Variants in YTHDF3 observed in about 807,000 individuals in gnomAD.
YTHDF3 encodes the protein YTH domain-containing family protein 3.
In YTHDF3, 9 loss-of-function variants were observed where a neutral mutation model predicts 52.5. The ratio of observed to expected loss-of-function variants is 0.17; its 90% CI spans 0.10 to 0.30. The LOEUF (loss-of-function observed/expected upper bound fraction) is 0.30, where lower values mean the gene tolerates loss of function less well. YTHDF3 is among the 10% of genes least tolerant of loss of function. The pLI is 1.00. For synonymous variants in YTHDF3, 274 were observed against 243.3 expected (o/e 1.13, Z -1.18); for missense variants, 534 against 715.0 (o/e 0.75, Z 2.89).
intron 2 of YTHDF3, among the ~76,000 whole-genome samples, chr8:63,171,989 A>T (rs1028750211): frequency 6.6e-6 from 1 of 152,202 alleles, no homozygotes; most frequent in Non-Finnish European, 1.5e-5. Flanking sequence ...GGAATTCTAA[A>T]TAATTGTCTT....
At chr8:63,173,653 G>A in intron 2 of YTHDF3, 7 of 985,268 alleles carry the variant, frequency 7.1e-6, no homozygotes, top group Non-Finnish European at 8.4e-6. Context: ...TGATTTAGGA[G>A]CAGTAAAGCC....
chr8:63,175,449 A>T (rs1807623227), intron 3 of YTHDF3, 33 bp downstream of exon 3: 1 of 1,527,578 alleles, frequency 6.5e-7, no homozygotes, highest in South Asian at 1.2e-5. Flanking sequence ...ATTTTAGGAA[A>T]TTAACCTTTT....
chr8:63,172,401 G>A (rs1263525395), intron 2 of YTHDF3, among the ~76,000 whole-genome samples: 2 of 152,010 alleles, frequency 1.3e-5, no homozygotes, highest in East Asian at 1.9e-4. Context: ...CTCTTCCAAC[G>A]GAGAGACGTA....
Position 63,168,815 on chromosome 8 carries a change from G to T in YTHDF3, c.-63G>T. On this transcript the variant is annotated 5_prime_UTR_variant, in exon 1 of 5. Coordinates refer to ENST00000539294, the MANE Select transcript of YTHDF3 (RefSeq NM_152758.6). ...CGGCCAAGGGCGACAGCCAACTGCT[G>T]TGAGTGCACGGGGAGAGGCCCAGGC... The T allele has an allele frequency of 1.3e-6, 2 of 1,550,880 alleles. No homozygotes were observed. The highest frequency in any genetic ancestry group is 1.7e-6 in the Non-Finnish European group (2 of 1,147,218).
At chr8:63,209,197 C>T (rs1472834618) in intron 4 of YTHDF3, among the ~76,000 whole-genome samples, 3 of 152,134 alleles carry the variant, frequency 2.0e-5, no homozygotes, top group Non-Finnish European at 4.4e-5. Flanking sequence ...GAAAAGTTAT[C>T]TATCGTGTGC....
At position 63,205,441 on chromosome 8, in the gene YTHDF3, T is replaced by A. The variant is rs965359518; in HGVS notation, c.1735-4242T>A. Among the ~76,000 whole-genome samples the A allele has an allele frequency of 4.0e-5, 6 of 151,680 alleles. No individual in the cohort carries two copies. The East Asian group carries it at 1.2e-3, about 29-fold the overall frequency. ...TCATTTCTTTCTTTTTCTTTCTTTT[T>A]TTTTTTTTTTGAGATGGGGTCTGGC... On this transcript the variant is annotated intron_variant, in intron 4 of 4. Transcript: ENST00000539294.
At chr8:63,189,165 T>C (rs1414806646) in intron 4 of YTHDF3, 1 of 152,212 alleles carries the variant, frequency 6.6e-6, no homozygotes, top group Non-Finnish European at 1.5e-5. Flanking sequence ...TAAAACATGC[T>C]GTTTATCCTT....
chr8:63,194,890 G>A (rs1186650807), intron 4 of YTHDF3, among the ~76,000 whole-genome samples: 2 of 152,144 alleles, frequency 1.3e-5, no homozygotes, highest in South Asian at 2.1e-4. Flanking sequence ...TATAGTTACC[G>A]TATCTTTCTT....
intron 4 of YTHDF3, among the ~76,000 whole-genome samples, chr8:63,205,436 C>CTTTTTTT: frequency 7.2e-6 from 1 of 139,700 alleles, no homozygotes; most frequent in Non-Finnish European, 1.6e-5. Context: ...CTTTTTCTTT[C>CTTTTTTT]TTTTTTTTTT....
At chr8:63,201,856 G>A (rs901232125) in intron 4 of YTHDF3, among the ~76,000 whole-genome samples, 2 of 152,162 alleles carry the variant, frequency 1.3e-5, no homozygotes, top group African/African-American at 4.8e-5. Context: ...CCCAAAGTTT[G>A]GCATCCCAAA....
In YTHDF3 at chr8:63,212,476, A is replaced by C. The variant is rs968880895; in HGVS notation, c.*2770A>C. The C allele has an allele frequency of 6.5e-6, 1 of 152,678 alleles. No homozygotes were observed. The highest frequency in any genetic ancestry group is 2.4e-5 in the African/African-American group (1 of 41,478). 9.5% of individuals were successfully genotyped at this position (152,678 alleles called of 1,614,324 possible). A position where few individuals can be genotyped will look rare whatever the true frequency, so the allele number is the denominator to read the frequency against. ...CAGCTTAAGTCATTTAATCATTTCA[A>C]GTGCATTCTGCATCCTTTAAAAATA... On this transcript the variant is annotated 3_prime_UTR_variant, in exon 5 of 5. Transcript: ENST00000539294.
rs146427356 is a variant in YTHDF3, at chr8:63,172,062, T to A, written c.49+2651T>A. 4.5e-4 allele frequency among the ~76,000 whole-genome samples: 68 copies of A among 152,342 alleles called. 1 individual carries two copies. The East Asian group carries it at 0.012, about 26-fold the overall frequency. ...ATTCAAGGTTTACTTGTTTTATAAGTTTGAATTCTTTTTTAATTAAGTCTG... is the reference window on the plus strand; with the variant it reads ...ATTCAAGGTTTACTTGTTTTATAAGATTGAATTCTTTTTTAATTAAGTCTG... On this transcript the variant is annotated intron_variant, in intron 2 of 4. Transcript: ENST00000539294.
At chr8:63,178,671 A>G (rs760558651) in intron 3 of YTHDF3, among the ~76,000 whole-genome samples, 1 of 152,238 alleles carries the variant, frequency 6.6e-6, no homozygotes, top group Non-Finnish European at 1.5e-5. Context: ...AAAAATAATT[A>G]TCTCTAACAA....
At position 63,210,641 on chromosome 8, in the gene YTHDF3, A is replaced by G. The variant is rs1261654305; in HGVS notation, c.*935A>G. ...TAAACATAGTTCTTGTTTAGCAAGC[A>G]TATGTTGTTCCTCAGCTCTTTTCTC... is the stretch of plus-strand genomic sequence containing the variant. On this transcript the variant is annotated 3_prime_UTR_variant, in exon 5 of 5. Transcript: ENST00000539294. 2 of 152,600 alleles carry G rather than the reference A, an allele frequency of 1.3e-5. No homozygotes were observed. Among genetic ancestry groups the G allele is most frequent in the African/African-American group, 4.8e-5 (2 of 41,462 alleles). The allele number at this position is 152,600 out of a possible 1,614,324, so 9.5% of individuals were successfully genotyped here. A position where few individuals can be genotyped will look rare whatever the true frequency, so the allele number is the denominator to read the frequency against.
In YTHDF3 at chr8:63,209,133, G is replaced by T. The variant is rs567215966; in HGVS notation, c.1735-550G>T. ...TCCACCTGTCTCGGCCTCCCAGAGTGCTGGGATTACAGGCATGAGCCACTG... is the reference window on the plus strand; with the variant it reads ...TCCACCTGTCTCGGCCTCCCAGAGTTCTGGGATTACAGGCATGAGCCACTG... On this transcript the variant is annotated intron_variant, in intron 4 of 4. Coordinates refer to ENST00000539294, the MANE Select transcript of YTHDF3 (RefSeq NM_152758.6). Among the ~76,000 whole-genome samples the T allele has an allele frequency of 3.3e-5, 5 of 152,298 alleles. No individual in the cohort carries two copies. The South Asian group carries it at 6.2e-4, about 19-fold the overall frequency.
At chr8:63,179,394 C>T (rs1807921957) in intron 3 of YTHDF3, among the ~76,000 whole-genome samples, 2 of 152,238 alleles carry the variant, frequency 1.3e-5, no homozygotes, top group South Asian at 4.1e-4. Flanking sequence ...TCCCTGGGTG[C>T]TTGAGATTAG....
At chr8:63,204,877 A>G (rs543128131) in intron 4 of YTHDF3, among the ~76,000 whole-genome samples, 1 of 152,276 alleles carries the variant, frequency 6.6e-6, no homozygotes, top group Non-Finnish European at 1.5e-5. Flanking sequence ...ATGGTGATAA[A>G]TCTACCGAAG....
intron 4 of YTHDF3, among the ~76,000 whole-genome samples, chr8:63,206,128 C>T (rs1252589394): frequency 3.3e-5 from 5 of 152,058 alleles, no homozygotes; most frequent in Non-Finnish European, 7.4e-5. Flanking sequence ...GGCTGGAGTG[C>T]AATGGCGCGA....
intron 2 of YTHDF3, 31 bp from the exon 3 acceptor site, chr8:63,175,300 T>G (rs371977126): frequency 4.6e-6 from 7 of 1,529,496 alleles, no homozygotes; most frequent in Non-Finnish European, 6.3e-6. Context: ...TAAAGATAAC[T>G]ACAACACTTC....
Sources: gnomAD v4.1 joint callset for allele counts (sites outside exome capture counted in the v4.1 genomes callset) on GRCh38, gnomAD v4.1.1 for gene constraint, MANE v1.5 for transcripts, NCBI Gene and HGNC (gene_info 2026-07-23, HGNC 2026-07-21) for gene names.